The following HOXA3 variants were observed in gnomAD, a reference collection of about 807,000 sequenced individuals.
The protein encoded by HOXA3 is homeobox A3.
A neutral mutation model predicts 30.3 loss-of-function variants in HOXA3; 8 were observed. The observed-to-expected ratio is 0.26, with a 90% confidence interval of 0.15 to 0.48. The LOEUF (loss-of-function observed/expected upper bound fraction) is 0.48, where lower values mean the gene tolerates loss of function less well. HOXA3 is among the 20% of genes least tolerant of loss of function. HOXA3 has a pLI of 0.99. For missense variants in HOXA3, 653 were observed against 614.4 expected (o/e 1.06, Z -0.66); for synonymous variants, 323 against 273.1 (o/e 1.18, Z -1.80).
chr7:27,144,345 T>C (rs1239689193), intron 1 of HOXA3, among the ~76,000 whole-genome samples: 4 of 152,222 alleles, frequency 2.6e-5, no homozygotes, highest in African/African-American at 7.2e-5. Context: ...TGAGGGACAG[T>C]GTCCCTGCCG....
chr7:27,145,952 G>A (rs1782746551), intron 1 of HOXA3: 2 of 1,594,136 alleles, frequency 1.3e-6, no homozygotes, highest in Non-Finnish European at 1.7e-6. Context: ...CGGTAAGCCA[G>A]GGCCTGGAGG....
At position 27,113,036 on chromosome 7, in the gene HOXA3, C is replaced by T. The variant is rs1784465712; in HGVS notation, c.-120-2276G>A. ...GACCACCACCTTGGAGCTCATACAT[C>T]CCCCCACCCCAACCCAGCCCCCAAA... On this transcript the variant is annotated intron_variant, in intron 4 of 5. Coordinates refer to ENST00000612286, the MANE Select transcript of HOXA3 (RefSeq NM_153631.3). The surrounding 1 kb of genome is among the most constrained non-coding windows in gnomAD (Gnocchi z 4.8). 6.6e-6 allele frequency among the ~76,000 whole-genome samples: 1 copy of T among 152,114 alleles called. No individual in the cohort carries two copies. Among genetic ancestry groups the T allele is most frequent in the Admixed American group, 6.5e-5 (1 of 15,278 alleles).
At chr7:27,141,862 G>A (rs1385874675) in intron 1 of HOXA3, 1 of 1,614,050 alleles carries the variant, frequency 6.2e-7, no homozygotes, top group Non-Finnish European at 8.5e-7. Flanking sequence ...CTCCTGCCGC[G>A]GCCATGCTCA....
At chr7:27,127,286 GGTAA>G (rs1319620638) in intron 2 of HOXA3, among the ~76,000 whole-genome samples, 2 of 152,162 alleles carry the variant, frequency 1.3e-5, no homozygotes. Flanking sequence ...GATTTGGGAA[GGTAA>G]GTGTGTATTT....
At chr7:27,144,996 C>A (rs1309113595) in intron 1 of HOXA3, among the ~76,000 whole-genome samples, 4 of 152,202 alleles carry the variant, frequency 2.6e-5, no homozygotes, top group Non-Finnish European at 5.9e-5. Context: ...CACCCGCGCC[C>A]AGGTTAACTC....
chr7:27,115,064 G>C (rs558631323), intron 4 of HOXA3, among the ~76,000 whole-genome samples: 1 of 145,598 alleles, frequency 6.9e-6, no homozygotes, highest in African/African-American at 2.5e-5. Flanking sequence ...AAGAGAAATG[G>C]AGATTTCTCT....
At chr7:27,145,997 G>T in intron 1 of HOXA3, 2 of 1,512,006 alleles carry the variant, frequency 1.3e-6, no homozygotes, top group Non-Finnish European at 1.8e-6. Flanking sequence ...CCCACAAGAG[G>T]CACCCAGACT....
rs1562710203 is a variant in HOXA3, at chr7:27,108,730, CAG to C, written c.527-12_527-11del. ...CCAGCGCAGCTTTCGCCTGCGAGGACAGAGAGAGGAAGAGCGGCGTCAGGGGC... is the reference window on the plus strand; with the variant it reads ...CCAGCGCAGCTTTCGCCTGCGAGGACAGAGAGGAAGAGCGGCGTCAGGGGC... On this transcript the variant is annotated splice_polypyrimidine_tract_variant and intron_variant, in intron 5 of 5. Coordinates refer to ENST00000612286, the MANE Select transcript of HOXA3 (RefSeq NM_153631.3). The surrounding 1 kb of genome is among the most constrained non-coding windows in gnomAD (Gnocchi z 5.0). 2.5e-6 allele frequency: 4 copies of C among 1,582,938 alleles called. No individual in the cohort carries two copies. Among genetic ancestry groups the C allele is most frequent in the Non-Finnish European group, 3.4e-6 (4 of 1,162,940 alleles).
intron 1 of HOXA3, chr7:27,151,682 G>T (rs540558312): frequency 2.2e-6 from 1 of 456,704 alleles, no homozygotes; most frequent in Non-Finnish European, 4.4e-6. Context: ...GGCTGAATTA[G>T]TAAGTTTTTC....
chr7:27,127,518 T>C (rs1785335892), intron 2 of HOXA3, among the ~76,000 whole-genome samples: 1 of 152,358 alleles, frequency 6.6e-6, no homozygotes, highest in East Asian at 1.9e-4. Context: ...AGGTGAGCAC[T>C]TACTCCCATC....
rs1583410132 is a variant in HOXA3, at chr7:27,145,327, AG to A, written c.-493-5142del. 9.1e-6 allele frequency: 3 copies of A among 328,546 alleles called. No individual in the cohort carries two copies. In the East Asian group the frequency reaches 1.7e-4, roughly 18 times the overall value. The allele number at this position is 328,546 out of a possible 1,614,324, so 20.4% of individuals were successfully genotyped here. A position where few individuals can be genotyped will look rare whatever the true frequency, so the allele number is the denominator to read the frequency against. On this transcript the variant is annotated intron_variant, in intron 1 of 5. Coordinates refer to ENST00000612286, the MANE Select transcript of HOXA3 (RefSeq NM_153631.3). ...GGGAGCTCAGAGACACTAGCACAGGAGCCCCAGACGCATTCAGGGCGCACCC... is the reference window on the plus strand; with the variant it reads ...GGGAGCTCAGAGACACTAGCACAGGACCCCAGACGCATTCAGGGCGCACCC...
At chr7:27,140,441 A>G (rs1465799249) in intron 1 of HOXA3, 1 of 152,236 alleles carries the variant, frequency 6.6e-6, no homozygotes, top group Non-Finnish European at 1.5e-5. Flanking sequence ...TATAACTTTT[A>G]AAAGGAAAGA....
At chr7:27,139,354 G>A (rs1021761582) in intron 2 of HOXA3, among the ~76,000 whole-genome samples, 10 of 152,138 alleles carry the variant, frequency 6.6e-5, no homozygotes, top group Non-Finnish European at 1.2e-4. Flanking sequence ...CCAGGGTGGG[G>A]ATCCTTGGTC....
At chr7:27,150,449 C>G (rs912113376) in intron 1 of HOXA3, 1 of 152,480 alleles carries the variant, frequency 6.6e-6, no homozygotes, top group African/African-American at 2.4e-5. Flanking sequence ...CCTTGAAGGC[C>G]ACCTCGGTCC....
chr7:27,130,089 T>C (rs764843671), intron 2 of HOXA3: 1 of 1,566,342 alleles, frequency 6.4e-7, no homozygotes, highest in Admixed American at 1.8e-5. Flanking sequence ...CCGGCCCACC[T>C]CCCGCGCCTC....
In HOXA3 at chr7:27,146,799, A is replaced by C. The variant is rs549434490; in HGVS notation, c.-494+5489T>G. Among the ~76,000 whole-genome samples the C allele has an allele frequency of 8.5e-5, 13 of 152,248 alleles. No homozygotes were observed. In the South Asian group the frequency reaches 1.5e-3, roughly 17 times the overall value. On this transcript the variant is annotated intron_variant, in intron 1 of 5. Transcript: ENST00000612286. ...GGGAGATGAGGGAGGAGAGAGAAAA[A>C]AATCCTGAGTCTGGGGCTGTGGCCC...
chr7:27,139,340 C>G (rs953633593), intron 2 of HOXA3, among the ~76,000 whole-genome samples: 6 of 152,168 alleles, frequency 3.9e-5, no homozygotes, highest in African/African-American at 9.7e-5. Flanking sequence ...AACACCCCCC[C>G]ACACCAGGGT....
At chr7:27,136,809 C>A (rs1280501057) in intron 2 of HOXA3, among the ~76,000 whole-genome samples, 1 of 152,190 alleles carries the variant, frequency 6.6e-6, no homozygotes, top group Non-Finnish European at 1.5e-5. Context: ...TGAACAACAA[C>A]AAACAAAACA....
At chr7:27,146,119 G>A (rs1024853872) in intron 1 of HOXA3, among the ~76,000 whole-genome samples, 2 of 152,194 alleles carry the variant, frequency 1.3e-5, no homozygotes, top group East Asian at 1.9e-4. Flanking sequence ...ATAACGACTT[G>A]GGGTGGACAT....
Sources: gnomAD v4.1 joint callset for allele counts (sites outside exome capture counted in the v4.1 genomes callset) on GRCh38, gnomAD v4.1.1 for gene constraint, Gnocchi (gnomAD v3.1) non-coding constraint, MANE v1.5 for transcripts, NCBI Gene and HGNC (gene_info 2026-07-23, HGNC 2026-07-21) for gene names.